Variants in LAMA2 observed in about 807,000 individuals in gnomAD.
LAMA2 encodes the protein laminin subunit alpha-2.
In LAMA2, 269 loss-of-function variants were observed where a neutral mutation model predicts 364.8. The ratio of observed to expected loss-of-function variants is 0.74; its 90% confidence interval spans 0.67 to 0.82. LAMA2 has a LOEUF of 0.82. Ranked by LOEUF, LAMA2 falls within the 40% of genes least tolerant of loss-of-function variation. The probability of loss-of-function intolerance (pLI) is 0.00; values close to 1 mark genes in which losing one functional copy is unlikely to be tolerated. For missense variants in LAMA2, 3,807 were observed against 3,873.2 expected (o/e 0.98, Z 0.45); for synonymous variants, 1,379 against 1,370.6 (o/e 1.01, Z -0.14).
intron 2 of LAMA2, among the ~76,000 whole-genome samples, chr6:129,057,672 C>T (rs1214296124): frequency 6.6e-6 from 1 of 152,070 alleles, no homozygotes; most frequent in Non-Finnish European, 1.5e-5. Flanking sequence ...AATGATTTGT[C>T]TGTGGTCAGT....
At chr6:129,447,364 C>A (rs762790760) in intron 45 of LAMA2, among the ~76,000 whole-genome samples, 1 of 152,000 alleles carries the variant, frequency 6.6e-6, no homozygotes, top group Non-Finnish European at 1.5e-5. Flanking sequence ...TGGGATAGTG[C>A]TGGGGAGTTG....
At chr6:129,139,415 A>G (rs1752459544) in intron 4 of LAMA2, among the ~76,000 whole-genome samples, 1 of 152,146 alleles carries the variant, frequency 6.6e-6, no homozygotes, top group African/African-American at 2.4e-5. Context: ...TCCCTAAATA[A>G]TATGGTATAA....
intron 53 of LAMA2, among the ~76,000 whole-genome samples, chr6:129,478,356 C>CTTG (rs1562600516): frequency 6.6e-6 from 1 of 151,878 alleles, no homozygotes; most frequent in African/African-American, 2.4e-5. Flanking sequence ...CAATTATCTT[C>CTTG]TCTTTGGTGA....
intron 1 of LAMA2, among the ~76,000 whole-genome samples, chr6:129,016,718 T>C (rs1268832221): frequency 6.6e-6 from 1 of 151,882 alleles, no homozygotes; most frequent in East Asian, 1.9e-4. Context: ...TGGGCAATAT[T>C]CTCTTTTGAT....
At chr6:129,122,047 T>G (rs770235141) in intron 4 of LAMA2, among the ~76,000 whole-genome samples, 35 of 152,186 alleles carry the variant, frequency 2.3e-4, no homozygotes, top group Non-Finnish European at 1.0e-4. Context: ...TCATTAAATG[T>G]TTTAGACATT....
Position 129,316,049 on chromosome 6 carries a change from A to T in LAMA2, c.3936A>T (p.Lys1312Asn). 6.2e-7 allele frequency: 1 copy of T among 1,614,056 alleles called. No homozygotes were observed. Among genetic ancestry groups the T allele is most frequent in the Non-Finnish European group, 8.5e-7 (1 of 1,179,952 alleles). The change falls in exon 27 of 65, where the codon AAA becomes AAT. Residue 1312 changes from lysine (K) to asparagine (N), a missense_variant. This residue lies in a region of LAMA2 where 3,333 missense variants were observed against 3,345.7 expected (regional missense o/e 1.00). Transcript: ENST00000421865. ...CTTCTTGTTAACAGAAAGAATGGAAATATTATGGGGATGATCCTCGAGTCC... is the reference window on the plus strand; with the variant it reads ...CTTCTTGTTAACAGAAAGAATGGAATTATTATGGGGATGATCCTCGAGTCC... ...HEIEMTEKEWKYYGDDPRVHR... is the reference protein window; with the variant it reads ...HEIEMTEKEWNYYGDDPRVHR...
intron 1 of LAMA2, among the ~76,000 whole-genome samples, chr6:129,008,393 C>G (rs1784559697): frequency 6.6e-6 from 1 of 152,128 alleles, no homozygotes; most frequent in Non-Finnish European, 1.5e-5. Context: ...AGAGTACAGA[C>G]CCACATGCTA....
At chr6:128,928,640 T>C (rs1179209356) in intron 1 of LAMA2, among the ~76,000 whole-genome samples, 2 of 152,208 alleles carry the variant, frequency 1.3e-5, no homozygotes, top group African/African-American at 4.8e-5. Context: ...CTTCTAAGTA[T>C]TTCAGAGAAG....
chr6:129,283,140 A>C (rs192316585), intron 18 of LAMA2, among the ~76,000 whole-genome samples: 8 of 152,230 alleles, frequency 5.3e-5, no homozygotes, highest in African/African-American at 1.7e-4. Flanking sequence ...CAAAGGAAAA[A>C]AAAGAGTCAG....
At chr6:129,412,306 G>T (rs1780576457) in intron 40 of LAMA2, among the ~76,000 whole-genome samples, 1 of 152,114 alleles carries the variant, frequency 6.6e-6, no homozygotes, top group African/African-American at 2.4e-5. Context: ...GTTGGATGAG[G>T]TTCCCCAACA....
Position 129,454,287 on chromosome 6 carries a change from A to T in LAMA2, c.6706A>T (p.Arg2236Ter), listed in dbSNP as rs886038293. Residue 2236 changes from arginine (R) to a stop codon, truncating the protein, a stop_gained and splice_region_variant, in exon 47 of 65, where the codon AGA becomes TGA. Coordinates refer to ENST00000421865, the MANE Select transcript of LAMA2 (RefSeq NM_000426.4). LOFTEE classifies it high-confidence loss of function. Reference protein sequence around the residue: ...DSYWYRIVASRTGRNGTISVR... With the variant: ...DSYWYRIVAS ...ATATTGGTACCGTATCGTAGCATCA[A>T]GGTAACCAACTTAATAAAGATTAAG... The T allele has an allele frequency of 6.2e-7, 1 of 1,610,170 alleles. No homozygotes were observed. Among genetic ancestry groups the T allele is most frequent in the South Asian group, 1.1e-5 (1 of 90,946 alleles).
chr6:129,272,545 C>T (rs898994965), intron 17 of LAMA2, among the ~76,000 whole-genome samples: 3 of 151,998 alleles, frequency 2.0e-5, no homozygotes, highest in African/African-American at 7.3e-5. Flanking sequence ...CTACGGTCTA[C>T]AATGAAGACT....
At chr6:128,939,660 C>T (rs1190407012) in intron 1 of LAMA2, among the ~76,000 whole-genome samples, 1 of 152,076 alleles carries the variant, frequency 6.6e-6, no homozygotes, top group Non-Finnish European at 1.5e-5. Context: ...AATGTAGGGT[C>T]ATTTTCAATG....
chr6:129,249,969 A>G, intron 12 of LAMA2, 143 bp from the exon 13 acceptor site: 1 of 688,260 alleles, frequency 1.5e-6, no homozygotes, highest in Non-Finnish European at 2.7e-6. Flanking sequence ...AATGCCTATC[A>G]TTCCCACTCC....
chr6:128,901,164 T>TA (rs1190599235), intron 1 of LAMA2, among the ~76,000 whole-genome samples: 1 of 152,076 alleles, frequency 6.6e-6, no homozygotes, highest in Non-Finnish European at 1.5e-5. Context: ...CTAGGAACAA[T>TA]AAAAAATTCA....
At chr6:129,181,615 G>A (rs982187087) in intron 10 of LAMA2, among the ~76,000 whole-genome samples, 6 of 151,834 alleles carry the variant, frequency 4.0e-5, no homozygotes, top group Admixed American at 2.0e-4. Flanking sequence ...ATGAGAAACT[G>A]CAGGATAGAA....
chr6:129,315,946 C>T lies in LAMA2; in HGVS notation c.3920C>T (p.Thr1307Ile). 1 of 1,614,002 alleles carries T rather than the reference C, an allele frequency of 6.2e-7. No homozygotes were observed. The highest frequency in any genetic ancestry group is 8.5e-7 in the Non-Finnish European group (1 of 1,179,988). ...GQLTRHEIEM[T>I]EKEWKYYGDD... ...TTGACAAGGCATGAAATTGAAATGA[C>T]AGAGGTAAAGTTAGTCATTGTTTGG... Residue 1307 changes from threonine (T) to isoleucine (I), a missense_variant, in exon 26 of 65, where the codon ACA (threonine) becomes ATA (isoleucine). Transcript: ENST00000421865.
At chr6:128,888,162 A>G (rs1182668697) in intron 1 of LAMA2, among the ~76,000 whole-genome samples, 1 of 152,172 alleles carries the variant, frequency 6.6e-6, no homozygotes, top group Non-Finnish European at 1.5e-5. Context: ...AGAGAAAGAT[A>G]AAAGTAGATT....
intron 30 of LAMA2, among the ~76,000 whole-genome samples, chr6:129,342,929 A>G (rs535956306): frequency 4.8e-4 from 73 of 152,276 alleles, no homozygotes; most frequent in African/African-American, 1.6e-3. Flanking sequence ...AAATTGTACA[A>G]TTAAAGCAGG....
Sources: allele counts gnomAD v4.1 joint callset (sites outside exome capture counted in the v4.1 genomes callset), GRCh38; gene constraint gnomAD v4.1.1; regional missense constraint gnomAD v4.1.1; transcripts MANE v1.5; gene names NCBI Gene and HGNC (gene_info 2026-07-23, HGNC 2026-07-21).